Variants in MID1 observed in about 807,000 individuals in gnomAD.
MID1 encodes midline 1.
A neutral mutation model predicts 40.4 loss-of-function variants in MID1; 7 were observed. The observed-to-expected ratio is 0.17, with a 90% confidence interval of 0.10 to 0.33. MID1 has a LOEUF of 0.33. MID1 is among the 10% of genes least tolerant of loss of function. The pLI is 1.00. For synonymous variants in MID1, 229 were observed against 221.2 expected, an observed-to-expected ratio of 1.04 and a Z score of -0.31; for missense variants, 367 against 558.5, an observed-to-expected ratio of 0.66 and a Z score of 3.46.
chrX:10,510,585 C>T (rs971120442), intron 3 of MID1, among the ~76,000 whole-genome samples: 3 of 111,124 alleles, frequency 2.7e-5, no homozygotes, highest in Admixed American at 9.5e-5. Flanking sequence ...GTAATCCCAG[C>T]ACTTTGGGAG....
intron 1 of MID1, among the ~76,000 whole-genome samples, chrX:10,734,947 G>A (rs1322830899): frequency 1.8e-5 from 2 of 111,896 alleles, no homozygotes; most frequent in African/African-American, 6.5e-5. Context: ...GGCTTTGGCT[G>A]CATCTTTCTC....
At chrX:10,509,083 A>G (rs1015464626) in intron 3 of MID1, among the ~76,000 whole-genome samples, 2 of 111,601 alleles carry the variant, frequency 1.8e-5, no homozygotes, top group African/African-American at 6.5e-5. Flanking sequence ...TAAAAGTTAC[A>G]ATGGCAGTAG....
intron 1 of MID1, among the ~76,000 whole-genome samples, chrX:10,668,554 T>C (rs891715831): frequency 8.9e-6 from 1 of 112,470 alleles, no homozygotes; most frequent in Non-Finnish European, 1.9e-5. Context: ...CTTGCTGTTA[T>C]ATGGCAAGGC....
intron 3 of MID1, among the ~76,000 whole-genome samples, chrX:10,506,989 C>T (rs1048486053): frequency 9.0e-6 from 1 of 111,677 alleles, no homozygotes; most frequent in East Asian, 2.8e-4. Flanking sequence ...TATATTTCCT[C>T]ATCTAGTGAC....
intron 1 of MID1, among the ~76,000 whole-genome samples, chrX:10,785,152 A>C (rs756473407): frequency 9.0e-6 from 1 of 111,685 alleles, no homozygotes; most frequent in Non-Finnish European, 1.9e-5. Flanking sequence ...AAAACCCACA[A>C]GCATTCTTAT....
In MID1 at chrX:10,689,315, G is replaced by T. The variant is rs977022178; in HGVS notation, c.-186-68896C>A. Among the ~76,000 whole-genome samples the T allele has an allele frequency of 2.7e-5, 3 of 111,276 alleles. No homozygotes were observed. The South Asian group carries it at 1.2e-3, about 43-fold the overall frequency. On this transcript the variant is annotated intron_variant, in intron 1 of 10. Transcript: ENST00000380785. Reference sequence around the variant, plus strand: ...GGGGAAGCAAGCACCTTTATCACATGTTGGAGCAGGAGAAAGAGAGAGGGT... The same window carrying T: ...GGGGAAGCAAGCACCTTTATCACATTTTGGAGCAGGAGAAAGAGAGAGGGT...
intron 1 of MID1, among the ~76,000 whole-genome samples, chrX:10,808,579 T>G (rs1226001828): frequency 9.0e-6 from 1 of 110,519 alleles, no homozygotes; most frequent in East Asian, 2.9e-4. Flanking sequence ...CACCTCCCTA[T>G]GGTGCTCCTT....
chrX:10,787,095 T>C (rs1388295363), intron 1 of MID1, among the ~76,000 whole-genome samples: 2 of 111,897 alleles, frequency 1.8e-5, no homozygotes, highest in Non-Finnish European at 3.8e-5. Context: ...TGTGGACAGT[T>C]AACTTAGACA....
At chrX:10,728,305 G>T (rs1402512827) in intron 1 of MID1, among the ~76,000 whole-genome samples, 3 of 111,439 alleles carry the variant, frequency 2.7e-5, no homozygotes, top group Non-Finnish European at 5.6e-5. Context: ...GACTTTCTCT[G>T]TTGGAATCTG....
chrX:10,805,473 T>A (rs1247619510), intron 1 of MID1, among the ~76,000 whole-genome samples: 2 of 107,802 alleles, frequency 1.9e-5, no homozygotes, highest in Non-Finnish European at 3.8e-5. Flanking sequence ...TCTATCATTG[T>A]TGGACATCTG....
intron 1 of MID1, among the ~76,000 whole-genome samples, chrX:10,673,035 C>T (rs1351683734): frequency 1.8e-5 from 2 of 111,540 alleles, no homozygotes; most frequent in Non-Finnish European, 3.8e-5. Flanking sequence ...CAGCAGCCAT[C>T]GGAAACTAGT....
At chrX:10,831,597 G>A (rs187289390) in intron 1 of MID1, among the ~76,000 whole-genome samples, 1 of 111,569 alleles carries the variant, frequency 9.0e-6, no homozygotes, top group East Asian at 2.8e-4. Context: ...GAATCCTCCT[G>A]GAACTTTGTT....
chrX:10,636,787 T>TATATATATATATATATAG (rs1936119661), intron 1 of MID1, among the ~76,000 whole-genome samples: 1 of 34,269 alleles, frequency 2.9e-5, no homozygotes, highest in Non-Finnish European at 6.3e-5. Context: ...ACAATGGGGA[T>TATATATATATATATATAG]ATATATATAT....
In MID1 at chrX:10,516,756, C is replaced by G. The variant is rs189103486; in HGVS notation, c.756+6336G>C. On this transcript the variant is annotated intron_variant, in intron 3 of 9. Coordinates refer to ENST00000317552, the MANE Select transcript of MID1 (RefSeq NM_000381.4). ...TTGGCCTCCTTTGTTACTGGGATTA[C>G]AGGCGCACACCACCACGCCTGTCTA... Among the ~76,000 whole-genome samples the G allele has an allele frequency of 4.6e-4, 51 of 110,857 alleles. 1 individual carries two copies. Among genetic ancestry groups the G allele is most frequent in the African/African-American group, 1.6e-3 (48 of 30,431 alleles).
At chrX:10,693,932 C>T (rs777298066) in intron 1 of MID1, among the ~76,000 whole-genome samples, 1 of 112,366 alleles carries the variant, frequency 8.9e-6, no homozygotes, top group East Asian at 2.8e-4. Context: ...AATGAAGTAG[C>T]AAAACCTAAC....
intron 1 of MID1, among the ~76,000 whole-genome samples, chrX:10,639,999 A>G (rs1476381538): frequency 8.9e-6 from 1 of 111,992 alleles, no homozygotes; most frequent in Non-Finnish European, 1.9e-5. Context: ...CTGCCTTACA[A>G]GAGCTCCTGA....
intron 1 of MID1, among the ~76,000 whole-genome samples, chrX:10,607,212 T>C (rs751957474): frequency 6.2e-5 from 7 of 112,170 alleles, no homozygotes; most frequent in East Asian, 2.8e-4. Flanking sequence ...GAGATTCTTA[T>C]CAAGTTTCAG....
chrX:10,590,791 G>C (rs1279847928), intron 1 of MID1, among the ~76,000 whole-genome samples: 1 of 111,865 alleles, frequency 8.9e-6, no homozygotes, highest in South Asian at 3.7e-4. Flanking sequence ...CGAATACAAG[G>C]CATGAGTTTG....
chrX:10,469,282 C>A, intron 7 of MID1: 1 of 844,221 alleles, frequency 1.2e-6, no homozygotes, highest in Admixed American at 5.9e-5. Flanking sequence ...GGGGTTTCAC[C>A]AGGTTGCCCA....
Sources: gnomAD v4.1 joint callset for allele counts (sites outside exome capture counted in the v4.1 genomes callset) on GRCh38, gnomAD v4.1.1 for gene constraint, MANE v1.5 for transcripts, NCBI Gene and HGNC (gene_info 2026-07-23, HGNC 2026-07-21) for gene names.